The following RBFOX1 variants were observed in gnomAD, a reference collection of about 807,000 sequenced individuals.
RBFOX1 encodes RNA binding protein fox-1 homolog 1.
In RBFOX1, 8 loss-of-function variants were observed where a neutral mutation model predicts 57.7. The observed-to-expected ratio is 0.14, with a 90% CI of 0.08 to 0.25. The LOEUF (loss-of-function observed/expected upper bound fraction) is 0.25. RBFOX1 is among the 10% of genes least tolerant of loss of function. The probability of loss-of-function intolerance (pLI) is 1.00; values close to 1 mark genes in which losing one functional copy is unlikely to be tolerated. For synonymous variants in RBFOX1, 326 were observed against 222.4 expected (o/e 1.47, Z -4.15); for missense variants, 611 against 548.5 (o/e 1.11, Z -1.14).
intron 2 of RBFOX1, among the ~76,000 whole-genome samples, chr16:6,385,386 G>C (rs1019543863): frequency 6.6e-6 from 1 of 152,232 alleles, no homozygotes; most frequent in Middle Eastern, 3.4e-3. Flanking sequence ...TTGAGACAGA[G>C]TCTCCCTCTT....
At chr16:5,339,470 G>GATTTTTTTTTTTTTT (rs1567354925) in intron 1 of RBFOX1, among the ~76,000 whole-genome samples, 1 of 40,854 alleles carries the variant, frequency 2.4e-5, no homozygotes, top group Non-Finnish European at 4.5e-5. Flanking sequence ...CTTTTTCCGT[G>GATTTTTTTTTTTTTT]TTTTTTTTTT....
intron 3 of RBFOX1, among the ~76,000 whole-genome samples, chr16:6,684,635 T>C (rs11861582): frequency 1.1e-3 from 160 of 152,264 alleles, no homozygotes; most frequent in African/African-American, 3.5e-3. Context: ...GCCACTGGAA[T>C]GGGAGGTGGC....
intron 2 of RBFOX1, among the ~76,000 whole-genome samples, chr16:6,581,225 CTT>C (rs2097533080): frequency 6.6e-6 from 1 of 152,164 alleles, no homozygotes; most frequent in Non-Finnish European, 1.5e-5. Context: ...CCCAGGGAAG[CTT>C]TCCCTTTGGT....
intron 4 of RBFOX1, among the ~76,000 whole-genome samples, chr16:7,346,352 A>T (rs767479565): frequency 6.6e-6 from 1 of 151,416 alleles, no homozygotes. Flanking sequence ...TCTACCCAAG[A>T]GGGCAGTGTA....
chr16:6,164,448 C>A (rs2096901278), intron 1 of RBFOX1, among the ~76,000 whole-genome samples: 1 of 148,068 alleles, frequency 6.8e-6, no homozygotes, highest in Non-Finnish European at 1.5e-5. Context: ...CCACAGAGTT[C>A]TTTTTTGCAT....
At chr16:6,004,445 C>T (rs976130131) in intron 4 of RBFOX1, among the ~76,000 whole-genome samples, 1 of 152,170 alleles carries the variant, frequency 6.6e-6, no homozygotes, top group Non-Finnish European at 1.5e-5. Flanking sequence ...ATTACTGAAG[C>T]ATTTGTGAAC....
intron 3 of RBFOX1, among the ~76,000 whole-genome samples, chr16:6,668,719 A>T (rs11646603): frequency 1.3e-5 from 2 of 152,062 alleles, no homozygotes; most frequent in African/African-American, 4.8e-5. Flanking sequence ...CATCTCTTTG[A>T]AATTTTGTAT....
chr16:7,603,364 G>T (rs148884243), intron 9 of RBFOX1, among the ~76,000 whole-genome samples: 1 of 152,172 alleles, frequency 6.6e-6, no homozygotes, highest in Non-Finnish European at 1.5e-5. Flanking sequence ...ATTCATGTTG[G>T]ACAGCAGTCT....
chr16:7,321,077 GTATACATATACATATACA>G (rs368597309), intron 4 of RBFOX1, among the ~76,000 whole-genome samples: 150 of 142,688 alleles, frequency 1.1e-3, no homozygotes, highest in East Asian at 3.0e-3. Flanking sequence ...CTATCTATAC[GTATACATATACATATACA>G]TATACATATA....
intron 3 of RBFOX1, among the ~76,000 whole-genome samples, chr16:6,910,977 G>T (rs1326276750): frequency 6.6e-6 from 1 of 152,018 alleles, no homozygotes; most frequent in Non-Finnish European, 1.5e-5. Context: ...GAGACAGGCG[G>T]ATCACTTGAG....
intron 1 of RBFOX1, among the ~76,000 whole-genome samples, chr16:6,185,933 A>C (rs956533948): frequency 2.0e-5 from 3 of 152,188 alleles, no homozygotes; most frequent in Non-Finnish European, 4.4e-5. Context: ...CTTAGAGCTA[A>C]GGACAGGCAG....
chr16:6,078,317 C>T (rs1208890565), intron 1 of RBFOX1, among the ~76,000 whole-genome samples: 1 of 152,156 alleles, frequency 6.6e-6, no homozygotes, highest in Non-Finnish European at 1.5e-5. Context: ...AGCCCATGTC[C>T]CCCACAGGGT....
At chr16:5,278,025 G>T (rs769892681) in intron 1 of RBFOX1, among the ~76,000 whole-genome samples, 3 of 152,172 alleles carry the variant, frequency 2.0e-5, no homozygotes, top group Non-Finnish European at 4.4e-5. Flanking sequence ...ATACCCGGGA[G>T]TGGGATTGCT....
In RBFOX1 at chr16:6,655,639, C is replaced by G. The variant is rs929131737; in HGVS notation, c.-16+989C>G. ...TATTGACAAGAGTTCACAGACATTTCTGCAGCAAAGCACATCCAAGAAGAT... is the reference window on the plus strand; with the variant it reads ...TATTGACAAGAGTTCACAGACATTTGTGCAGCAAAGCACATCCAAGAAGAT... On this transcript the variant is annotated intron_variant, in intron 3 of 15. Transcript: ENST00000550418. Among the ~76,000 whole-genome samples the G allele has an allele frequency of 7.9e-5, 12 of 152,100 alleles. No homozygotes were observed. In the South Asian group the frequency reaches 1.5e-3, roughly 18 times the overall value.
intron 10 of RBFOX1, 31 bp from the exon 11 acceptor site, chr16:7,630,572 A>T: frequency 1.2e-6 from 2 of 1,612,698 alleles, no homozygotes; most frequent in Non-Finnish European, 1.7e-6. Context: ...CGATTCCCAA[A>T]CCAGATACCA....
At position 6,344,407 on chromosome 16, in the gene RBFOX1, C is replaced by CTTTTCTTTTT. The variant is rs767256133; in HGVS notation, c.-64+27354_-64+27355insCTTTTTTTTT. On this transcript the variant is annotated intron_variant, in intron 2 of 15. Transcript: ENST00000550418. ...TCTCTTCTTCTTTTTTCTTTTTTTTCTTTTTTTTTTTTGAGACAGAGTCTC... is the reference window on the plus strand; with the variant it reads ...TCTCTTCTTCTTTTTTCTTTTTTTTCTTTTCTTTTTTTTTTTTTTTTTGAGACAGAGTCTC... Among the ~76,000 whole-genome samples the CTTTTCTTTTT allele has an allele frequency of 5.7e-4, 63 of 109,842 alleles. 1 individual carries two copies. The highest frequency in any genetic ancestry group is 7.8e-4 in the Non-Finnish European group (46 of 59,142). The allele number at this position is 109,842 out of a possible 152,430, so 72.1% of individuals were successfully genotyped here. A position where few individuals can be genotyped will look rare whatever the true frequency, so the allele number is the denominator to read the frequency against.
intron 4 of RBFOX1, among the ~76,000 whole-genome samples, chr16:7,332,173 G>A (rs747698325): frequency 2.2e-4 from 33 of 152,296 alleles, no homozygotes; most frequent in African/African-American, 7.5e-4. Context: ...TTGTAGCTTC[G>A]CACTGCCTTG....
chr16:5,878,711 T>C (rs887738617), intron 4 of RBFOX1, among the ~76,000 whole-genome samples: 2 of 151,706 alleles, frequency 1.3e-5, no homozygotes, highest in African/African-American at 4.9e-5. Context: ...AAAAGAGTTA[T>C]TGCAATTCTG....
rs7195675 is a variant in RBFOX1 at position 6,459,699 on chromosome 16, G to A, written c.-64+142642G>A. Among the ~76,000 whole-genome samples the A allele has an allele frequency of 1.7e-3, 258 of 151,738 alleles. 3 individuals are homozygous for A. The highest frequency in any genetic ancestry group is 6.8e-3 in the Middle Eastern group (2 of 294). The stretch of plus-strand genomic sequence containing the variant: ...ATACTTAAAAAATCTTGCTCTTGCC[G>A]GGCACAGTGGCTCATGACTGTAATC... On this transcript the variant is annotated intron_variant, in intron 2 of 15. Coordinates refer to ENST00000550418, the MANE Select transcript of RBFOX1 (RefSeq NM_018723.4).
Sources: allele counts gnomAD v4.1 joint callset (sites outside exome capture counted in the v4.1 genomes callset), GRCh38; gene constraint gnomAD v4.1.1; transcripts MANE v1.5; gene names NCBI Gene and HGNC (gene_info 2026-07-23, HGNC 2026-07-21).